Variants in RSPO2 observed in about 807,000 individuals in gnomAD.
The protein encoded by RSPO2 is R-spondin-2.
A neutral mutation model predicts 30.9 loss-of-function variants in RSPO2; 14 were observed. The ratio of observed to expected loss-of-function variants is 0.45; its 90% CI spans 0.30 to 0.71. The LOEUF (loss-of-function observed/expected upper bound fraction) is 0.71. Ranked by LOEUF, RSPO2 falls within the 30% of genes least tolerant of loss-of-function variation. The pLI, the probability that RSPO2 is intolerant of heterozygous loss-of-function variation, is 0.08. For synonymous variants in RSPO2, 107 were observed against 96.4 expected (o/e 1.11, Z -0.64); for missense variants, 264 against 301.9 (o/e 0.87, Z 0.93).
At chr8:108,008,797 A>AAAAAT (rs1554581510) in intron 2 of RSPO2, among the ~76,000 whole-genome samples, 12 of 151,488 alleles carry the variant, frequency 7.9e-5, no homozygotes, top group South Asian at 4.2e-4. Context: ...CAAAAAAAAA[A>AAAAAT]AAATAAAGAA....
rs539765207 is a variant in RSPO2 at position 107,996,320 on chromosome 8, C to T, written c.95-7076G>A. ...AGAGAAACAATTTATGACTCTTTCA[C>T]GAAAAAGCCACCCCTTTAACATGAA... On this transcript the variant is annotated intron_variant, in intron 2 of 5. Coordinates refer to ENST00000276659, the MANE Select transcript of RSPO2 (RefSeq NM_178565.5). Among the ~76,000 whole-genome samples, 12 of 152,230 alleles carry T rather than the reference C, an allele frequency of 7.9e-5. 1 individual carries two copies. The highest frequency in any genetic ancestry group is 1.3e-4 in the Admixed American group (2 of 15,276).
chr8:108,059,318 T>G (rs201012107), intron 2 of RSPO2, among the ~76,000 whole-genome samples: 3 of 151,620 alleles, frequency 2.0e-5, no homozygotes, highest in South Asian at 2.1e-4. Context: ...TCTCATACCA[T>G]TTAGAATGGC....
chr8:107,934,086 G>A (rs1239377469), intron 5 of RSPO2, among the ~76,000 whole-genome samples: 1 of 152,104 alleles, frequency 6.6e-6, no homozygotes. Flanking sequence ...ATCAAGTATT[G>A]TTTTATAAAA....
intron 2 of RSPO2, among the ~76,000 whole-genome samples, chr8:108,076,910 A>AAGAG (rs2130734554): frequency 6.6e-6 from 1 of 152,310 alleles, no homozygotes; most frequent in Admixed American, 6.5e-5. Flanking sequence ...GGAACCAAAG[A>AAGAG]AGAGAATGGA....
At chr8:107,926,356 G>GT (rs1812370513) in intron 5 of RSPO2, among the ~76,000 whole-genome samples, 1 of 152,044 alleles carries the variant, frequency 6.6e-6, no homozygotes, top group African/African-American at 2.4e-5. Context: ...TAGGTTGCCT[G>GT]TTCACTCTGA....
chr8:108,032,164 GAA>G (rs1008382106), intron 2 of RSPO2, among the ~76,000 whole-genome samples: 2 of 151,906 alleles, frequency 1.3e-5, no homozygotes, highest in African/African-American at 2.4e-5. Flanking sequence ...TTTTAAAAAA[GAA>G]AAATAATAGG....
intron 2 of RSPO2, chr8:107,997,372 C>T (rs1048685669): frequency 3.3e-5 from 5 of 152,348 alleles, no homozygotes; most frequent in African/African-American, 7.2e-5. Flanking sequence ...GATCTTAATT[C>T]TCAGCTTTGA....
In RSPO2 at chr8:107,899,662, A is replaced by G. The variant is rs1811378312; in HGVS notation, c.*1413T>C. 6.6e-6 allele frequency: 1 copy of G among 152,622 alleles called. No homozygotes were observed. Among genetic ancestry groups the G allele is most frequent in the African/African-American group, 2.4e-5 (1 of 41,456 alleles). The allele number at this position is 152,622 out of a possible 1,614,324, so 9.5% of individuals were successfully genotyped here. A position where few individuals can be genotyped will look rare whatever the true frequency, so the allele number is the denominator to read the frequency against. Reference sequence around the variant, plus strand: ...AAGGCTTTACCTTGCTTTGTTTCAAAATCCACAACCATTATTTTTCTGTTC... The same window carrying G: ...AAGGCTTTACCTTGCTTTGTTTCAAGATCCACAACCATTATTTTTCTGTTC... On this transcript the variant is annotated 3_prime_UTR_variant, in exon 6 of 6. Transcript: ENST00000276659.
At chr8:107,932,318 G>C (rs556429253) in intron 5 of RSPO2, among the ~76,000 whole-genome samples, 12 of 152,082 alleles carry the variant, frequency 7.9e-5, no homozygotes, top group Non-Finnish European at 1.2e-4. Context: ...GGATAATCTC[G>C]GAGGAGTTTC....
chr8:107,920,292 T>A (rs182230966), intron 5 of RSPO2, among the ~76,000 whole-genome samples: 1 of 152,148 alleles, frequency 6.6e-6, no homozygotes, highest in African/African-American at 2.4e-5. Context: ...AGATCACAAA[T>A]ATGGCAGGTA....
At chr8:107,933,717 C>A (rs1260797005) in intron 5 of RSPO2, among the ~76,000 whole-genome samples, 1 of 152,138 alleles carries the variant, frequency 6.6e-6, no homozygotes, top group Admixed American at 6.5e-5. Context: ...AGAACAGAAG[C>A]TAAAACTATC....
intron 2 of RSPO2, among the ~76,000 whole-genome samples, chr8:108,007,953 T>C (rs1313674756): frequency 3.9e-5 from 6 of 151,912 alleles, no homozygotes; most frequent in Non-Finnish European, 7.4e-5. Context: ...CCCGTATCTA[T>C]GAAAAAAATT....
intron 5 of RSPO2, among the ~76,000 whole-genome samples, chr8:107,904,056 T>C (rs980194478): frequency 1.3e-5 from 2 of 152,156 alleles, no homozygotes; most frequent in African/African-American, 4.8e-5. Flanking sequence ...ATCGGTAAGA[T>C]TAAAGCTAAC....
chr8:107,932,345 G>A (rs1270504042), intron 5 of RSPO2, among the ~76,000 whole-genome samples: 3 of 152,140 alleles, frequency 2.0e-5, no homozygotes, highest in Admixed American at 1.3e-4. Context: ...CTTCTAGGTT[G>A]TGGCTAAAGT....
intron 2 of RSPO2, among the ~76,000 whole-genome samples, chr8:108,067,114 A>G (rs149399576): frequency 1.1e-3 from 172 of 152,344 alleles, no homozygotes; most frequent in Middle Eastern, 6.8e-3. Flanking sequence ...TTCTTTTTCA[A>G]TAAGTCAATG....
intron 5 of RSPO2, among the ~76,000 whole-genome samples, chr8:107,943,158 A>G (rs574014563): frequency 6.6e-6 from 1 of 152,242 alleles, no homozygotes; most frequent in South Asian, 2.1e-4. Flanking sequence ...ATTTCCTTAA[A>G]TGCAGTGCTG....
At chr8:107,906,100 A>AG (rs1765829355) in intron 5 of RSPO2, among the ~76,000 whole-genome samples, 1 of 151,992 alleles carries the variant, frequency 6.6e-6, no homozygotes, top group African/African-American at 2.4e-5. Flanking sequence ...AAATTGATAC[A>AG]GCCTTTCTGA....
chr8:108,018,771 CT>C (rs1439779553), intron 2 of RSPO2, among the ~76,000 whole-genome samples: 1 of 152,194 alleles, frequency 6.6e-6, no homozygotes, highest in Non-Finnish European at 1.5e-5. Context: ...GATATATTTT[CT>C]GTAAACACCC....
intron 5 of RSPO2, among the ~76,000 whole-genome samples, chr8:107,918,776 A>G (rs991326019): frequency 6.6e-6 from 1 of 152,160 alleles, no homozygotes; most frequent in African/African-American, 2.4e-5. Flanking sequence ...AAGTACAATA[A>G]GACTATAGTT....
Sources: gnomAD v4.1 joint callset for allele counts (sites outside exome capture counted in the v4.1 genomes callset) on GRCh38, gnomAD v4.1.1 for gene constraint, MANE v1.5 for transcripts, NCBI Gene and HGNC (gene_info 2026-07-23, HGNC 2026-07-21) for gene names.